The following KANSL1L variants were observed in gnomAD, a reference collection of about 807,000 sequenced individuals.
KANSL1L encodes KAT8 regulatory NSL complex subunit 1-like protein.
In KANSL1L, 25 loss-of-function variants were observed where a neutral mutation model predicts 108.6. The observed-to-expected ratio is 0.23, with a 90% CI of 0.17 to 0.32. The LOEUF is 0.32. KANSL1L is among the 10% of genes least tolerant of loss of function. The probability of loss-of-function intolerance (pLI) is 1.00; values close to 1 mark genes in which losing one functional copy is unlikely to be tolerated. For missense variants in KANSL1L, 1,137 were observed against 1,125.7 expected, an observed-to-expected ratio of 1.01 and a Z score of -0.14; for synonymous variants, 405 against 395.1, an observed-to-expected ratio of 1.03 and a Z score of -0.30.
intron 10 of KANSL1L, 86 bp downstream of exon 10, chr2:210,029,717 T>C (rs935106636): frequency 2.7e-5 from 18 of 667,660 alleles, no homozygotes; most frequent in Non-Finnish European, 4.4e-5. Context: ...AAGGCTGTTA[T>C]AGATTAGCAA....
Position 210,154,611 on chromosome 2 carries a change from C to A in KANSL1L, c.-29G>T. The A allele has an allele frequency of 7.2e-7, 1 of 1,395,384 alleles. No homozygotes were observed. The highest frequency in any genetic ancestry group is 9.4e-7 in the Non-Finnish European group (1 of 1,067,870). The allele number at this position is 1,395,384 out of a possible 1,614,324, so 86.4% of individuals were successfully genotyped here. A position where few individuals can be genotyped will look rare whatever the true frequency, so the allele number is the denominator to read the frequency against. On this transcript the variant is annotated splice_region_variant and 5_prime_UTR_variant, in exon 2 of 15. Transcript: ENST00000281772. ...GATTCCTGTAGATAAGTATTGGAAA[C>A]CTACAATAATGTAAAAATAAATGGT...
intron 6 of KANSL1L, among the ~76,000 whole-genome samples, chr2:210,046,676 C>G (rs1266019212): frequency 2.0e-5 from 3 of 152,132 alleles, no homozygotes; most frequent in Non-Finnish European, 4.4e-5. Context: ...GCTGCAGTCC[C>G]AAGCTTGTGG....
intron 1 of KANSL1L, among the ~76,000 whole-genome samples, chr2:210,164,377 T>C (rs1193478336): frequency 6.6e-6 from 1 of 152,168 alleles, no homozygotes; most frequent in Non-Finnish European, 1.5e-5. Context: ...AGCACCTGGA[T>C]CTTCCTATAA....
chr2:210,045,079 G>A (rs929518937), intron 6 of KANSL1L, among the ~76,000 whole-genome samples: 5 of 152,040 alleles, frequency 3.3e-5, no homozygotes, highest in Admixed American at 6.6e-5. Flanking sequence ...CACATTAACC[G>A]ATTTTTAACA....
chr2:210,128,154 T>C (rs1418658470), intron 3 of KANSL1L, among the ~76,000 whole-genome samples: 3 of 152,188 alleles, frequency 2.0e-5, no homozygotes, highest in Non-Finnish European at 2.9e-5. Context: ...CCTTGTGTAC[T>C]GCTGGTGGGA....
intron 8 of KANSL1L, among the ~76,000 whole-genome samples, chr2:210,036,457 C>G (rs1264273202): frequency 1.3e-5 from 2 of 152,108 alleles, no homozygotes; most frequent in African/African-American, 4.8e-5. Context: ...GCTGGGATTA[C>G]AAGCATGAGC....
In KANSL1L at chr2:210,128,814, G is replaced by A. The variant is rs112227425; in HGVS notation, c.1230+217C>T. On this transcript the variant is annotated intron_variant, in intron 3 of 14. Coordinates refer to ENST00000281772, the MANE Select transcript of KANSL1L (RefSeq NM_152519.4). Reference sequence around the variant, plus strand: ...CTTATATTAACTGGAATCCAATAAGGAAGTTCTGAATTGCTCAAAAAGTAT... The same window carrying A: ...CTTATATTAACTGGAATCCAATAAGAAAGTTCTGAATTGCTCAAAAAGTAT... Among the ~76,000 whole-genome samples, 492 of 152,122 alleles carry A rather than the reference G, an allele frequency of 3.2e-3. 2 individuals are homozygous for A. The highest frequency in any genetic ancestry group is 0.011 in the South Asian group (54 of 4,826).
chr2:210,164,855 G>GT (rs546289634), intron 1 of KANSL1L, among the ~76,000 whole-genome samples: 1,443 of 134,958 alleles, frequency 0.011, 12 homozygotes, highest in African/African-American at 0.027. Flanking sequence ...TATTTTTTCT[G>GT]TTTTTTTTTT....
chr2:210,026,027 T>G (rs1462870945), intron 12 of KANSL1L, among the ~76,000 whole-genome samples: 1 of 152,208 alleles, frequency 6.6e-6, no homozygotes, highest in Non-Finnish European at 1.5e-5. Flanking sequence ...CAGATAAAAG[T>G]AAAACTAATA....
At chr2:210,030,409 TTCTTGTTTCATA>T (rs1483834349) in intron 9 of KANSL1L, among the ~76,000 whole-genome samples, 1 of 151,946 alleles carries the variant, frequency 6.6e-6, no homozygotes, top group African/African-American at 2.4e-5. Flanking sequence ...CAGCATCCTG[TTCTTGTTTCATA>T]GATGAAATTT....
At position 210,102,832 on chromosome 2, in the gene KANSL1L, G is replaced by T. The variant is rs201144915; in HGVS notation, c.1428+1272C>A. On this transcript the variant is annotated intron_variant, in intron 4 of 14. Coordinates refer to ENST00000281772, the MANE Select transcript of KANSL1L (RefSeq NM_152519.4). ...TCAGGAAACAACAGGTGCTAGAGAG[G>T]ATGTGGAGAAATAGGAACACTTTTA... 2.0e-5 allele frequency among the ~76,000 whole-genome samples: 3 copies of T among 152,288 alleles called. No homozygotes were observed. The East Asian group carries it at 5.8e-4, about 29-fold the overall frequency.
rs563694787 is a variant in KANSL1L, at chr2:210,151,166, C to A, written c.1088+2329G>T. Among the ~76,000 whole-genome samples the A allele has an allele frequency of 4.3e-4, 66 of 152,218 alleles. 1 individual carries two copies. The highest frequency in any genetic ancestry group is 1.5e-3 in the African/African-American group (63 of 41,550). On this transcript the variant is annotated intron_variant, in intron 2 of 14. Transcript: ENST00000281772. ...AGGTAGCTGGGACTACAGGTGCACA[C>A]CACCATGCCGGGCTAATTTTTGTAT... is the stretch of plus-strand genomic sequence containing the variant.
chr2:210,030,356 A>G (rs1477253130), intron 9 of KANSL1L, among the ~76,000 whole-genome samples: 1 of 151,830 alleles, frequency 6.6e-6, no homozygotes, highest in East Asian at 1.9e-4. Flanking sequence ...TTATAAGTAC[A>G]TGTTTCCGAA....
chr2:210,083,829 C>CAAA lies in KANSL1L; in HGVS notation c.1551-8076_1551-8074dup, dbSNP rs61456616. Among the ~76,000 whole-genome samples the CAAA allele has an allele frequency of 4.0e-4, 21 of 52,876 alleles. 1 individual carries two copies. The highest frequency in any genetic ancestry group is 1.1e-3 in the African/African-American group (18 of 15,686). 34.7% of individuals were successfully genotyped at this position (52,876 alleles called of 152,430 possible). A position where few individuals can be genotyped will look rare whatever the true frequency, so the allele number is the denominator to read the frequency against. ...TGGGCGACAGAGTGAGACTCCATCT[C>CAAA]AAAAAAAAAAAAAAAAAAAAGTAAG... On this transcript the variant is annotated intron_variant, in intron 5 of 14. Transcript: ENST00000281772.
intron 6 of KANSL1L, among the ~76,000 whole-genome samples, chr2:210,074,649 C>T (rs989890725): frequency 7.2e-5 from 11 of 152,172 alleles, no homozygotes; most frequent in African/African-American, 2.4e-4. Flanking sequence ...GCCACCGTGC[C>T]GGGCAGGAAA....
Position 210,043,989 on chromosome 2 carries a change from T to C in KANSL1L, c.1871A>G (p.His624Arg), listed in dbSNP as rs756458917. 13 of 1,607,384 alleles carry C rather than the reference T, an allele frequency of 8.1e-6. No individual in the cohort carries two copies. In the Admixed American group the frequency reaches 1.5e-4, roughly 19 times the overall value. The part of the protein sequence containing the change: ...HNSESYLLRE[H>R]VSELDSSFHS... ...GAAAGAGGAATCTAACTCTGATACA[T>C]GTTCTCTTAATAGGTAAGACTCCGA... is the stretch of plus-strand genomic sequence containing the variant. Residue 624 changes from histidine (H) to arginine (R), a missense_variant, in exon 7 of 15, where the codon CAT becomes CGT. This residue lies in a region of KANSL1L where 575 missense variants were observed against 567.1 expected (regional missense o/e 1.01). Transcript: ENST00000281772.
chr2:210,023,862 G>GTGAT (rs1264471480), intron 14 of KANSL1L, among the ~76,000 whole-genome samples, 171 bp downstream of exon 14: 1 of 152,148 alleles, frequency 6.6e-6, no homozygotes, highest in Non-Finnish European at 1.5e-5. Flanking sequence ...GTTACACAAG[G>GTGAT]TGATTATAGT....
At chr2:210,095,611 C>A (rs1243331104) in intron 5 of KANSL1L, among the ~76,000 whole-genome samples, 2 of 152,110 alleles carry the variant, frequency 1.3e-5, no homozygotes, top group South Asian at 4.1e-4. Context: ...ATTGTGGAAT[C>A]TTTACAAAAC....
intron 4 of KANSL1L, among the ~76,000 whole-genome samples, chr2:210,103,727 A>C (rs1209289435): frequency 6.6e-6 from 1 of 152,162 alleles, no homozygotes; most frequent in Non-Finnish European, 1.5e-5. Context: ...CTTTCACTAA[A>C]AATCTTGTTC....
Sources: allele counts gnomAD v4.1 joint callset (sites outside exome capture counted in the v4.1 genomes callset), GRCh38; gene constraint gnomAD v4.1.1; regional missense constraint gnomAD v4.1.1; transcripts MANE v1.5; gene names NCBI Gene and HGNC (gene_info 2026-07-23, HGNC 2026-07-21).